SGSM1: variants seen among roughly 807,000 people sequenced by gnomAD.
The protein encoded by SGSM1 is RUN and TBC1 domain containing 2.
SGSM1 carries 73 observed loss-of-function variants against 133.8 expected under a neutral mutation model. The observed-to-expected ratio is 0.55, with a 90% CI of 0.45 to 0.66. The LOEUF (loss-of-function observed/expected upper bound fraction) is 0.66. Among genes scored for constraint, SGSM1 ranks in the 30% least tolerant of loss-of-function variants. The probability of loss-of-function intolerance (pLI) is 0.00; values close to 1 mark genes in which losing one functional copy is unlikely to be tolerated. For synonymous variants in SGSM1, 563 were observed against 573.0 expected, an observed-to-expected ratio of 0.98 and a Z score of 0.25; for missense variants, 1,213 against 1,448.1, an observed-to-expected ratio of 0.84 and a Z score of 2.64.
intron 16 of SGSM1, among the ~76,000 whole-genome samples, chr22:24,888,943 T>TTTA (rs1478820211): frequency 1.0e-5 from 1 of 97,916 alleles, no homozygotes; most frequent in Non-Finnish European, 2.0e-5. Flanking sequence ...GTCACCTTTT[T>TTTA]TTTTTTTTTT....
intron 8 of SGSM1, among the ~76,000 whole-genome samples, chr22:24,857,992 T>A (rs941115048): frequency 2.2e-4 from 34 of 152,290 alleles, no homozygotes; most frequent in African/African-American, 7.2e-4. Context: ...GTTTTTTGTT[T>A]TTTTGGAGAC....
chr22:24,833,960 CT>C (rs773297059), intron 2 of SGSM1, among the ~76,000 whole-genome samples: 1 of 152,240 alleles, frequency 6.6e-6, no homozygotes, highest in Non-Finnish European at 1.5e-5. Context: ...ACCATGTGCT[CT>C]GGAGAAAGCT....
At chr22:24,900,524 C>G (rs1283504338) in intron 19 of SGSM1, among the ~76,000 whole-genome samples, 1 of 151,936 alleles carries the variant, frequency 6.6e-6, no homozygotes, top group Non-Finnish European at 1.5e-5. Flanking sequence ...CTCAGCCTCC[C>G]GAGTAGCTGG....
intron 2 of SGSM1, 83 bp from the exon 3 acceptor site, chr22:24,844,814 A>C: frequency 7.9e-7 from 1 of 1,273,070 alleles, no homozygotes; most frequent in Non-Finnish European, 1.1e-6. Context: ...TGTGGGGAGC[A>C]ATGCAGCCCT....
At chr22:24,848,594 C>T (rs1288910571) in intron 4 of SGSM1, among the ~76,000 whole-genome samples, 1 of 152,208 alleles carries the variant, frequency 6.6e-6, no homozygotes, top group Non-Finnish European at 1.5e-5. Context: ...CAGCCAAACC[C>T]CCAGTCTACA....
intron 21 of SGSM1, among the ~76,000 whole-genome samples, chr22:24,912,298 A>T (rs1023691522): frequency 2.0e-5 from 3 of 152,238 alleles, no homozygotes; most frequent in Non-Finnish European, 2.9e-5. Context: ...TAATGTCCAG[A>T]TATTAATAGA....
intron 21 of SGSM1, among the ~76,000 whole-genome samples, chr22:24,911,289 C>CTT (rs139761): frequency 0.022 from 2,884 of 128,502 alleles, 81 homozygotes; most frequent in African/African-American, 0.06. Context: ...TAATTCCCCA[C>CTT]TTTTTTTTTT....
At chr22:24,831,303 G>A (rs1418949786) in intron 2 of SGSM1, among the ~76,000 whole-genome samples, 3 of 152,024 alleles carry the variant, frequency 2.0e-5, no homozygotes. Flanking sequence ...GGAAGCCTCG[G>A]CCAGCCCTGC....
At chr22:24,919,789 A>AC in intron 23 of SGSM1, 37 bp from the exon 24 acceptor site, 1 of 1,611,916 alleles carries the variant, frequency 6.2e-7, no homozygotes, top group Non-Finnish European at 8.5e-7. Flanking sequence ...GAGCCCCGTC[A>AC]CCAATTCTCT....
rs1934166225 is a variant in SGSM1 at position 24,925,386 on chromosome 22, C to T, written c.*1112C>T. ...AAAAAAAGAAAAGGCACACAAGAGT[C>T]CCTCACACATCTCTCTTGGAGTCTG... On this transcript the variant is annotated 3_prime_UTR_variant, in exon 25 of 25. Coordinates refer to ENST00000400358, the MANE Select transcript of SGSM1 (RefSeq NM_001098497.3). 1 of 152,032 alleles carries T rather than the reference C, an allele frequency of 6.6e-6. No homozygotes were observed. The highest frequency in any genetic ancestry group is 1.9e-4 in the East Asian group (1 of 5,180). The allele number at this position is 152,032 out of a possible 1,614,324, so 9.4% of individuals were successfully genotyped here. A position where few individuals can be genotyped will look rare whatever the true frequency, so the allele number is the denominator to read the frequency against.
chr22:24,868,084 C>T (rs887481340), intron 10 of SGSM1, among the ~76,000 whole-genome samples: 14 of 152,118 alleles, frequency 9.2e-5, no homozygotes, highest in East Asian at 5.8e-4. Flanking sequence ...TCCTGAGGAG[C>T]GTAGGGTTCT....
intron 2 of SGSM1, among the ~76,000 whole-genome samples, chr22:24,832,397 G>A (rs1929170397): frequency 1.3e-5 from 2 of 152,224 alleles, no homozygotes; most frequent in Non-Finnish European, 2.9e-5. Flanking sequence ...TTCTAGAGGT[G>A]CAGTTAAGAG....
chr22:24,868,672 TGTG>T (rs928365998), intron 11 of SGSM1, 48 bp from the exon 12 acceptor site: 37 of 1,609,576 alleles, frequency 2.3e-5, no homozygotes, highest in Middle Eastern at 1.7e-4. Flanking sequence ...CTAAGCAAGT[TGTG>T]GGGACAGATG....
chr22:24,877,932 T>C (rs1932113019), intron 13 of SGSM1, among the ~76,000 whole-genome samples: 1 of 145,232 alleles, frequency 6.9e-6, no homozygotes, highest in African/African-American at 2.5e-5. Flanking sequence ...TGCCTCAGCC[T>C]CCCGAGTAGC....
At chr22:24,812,776 G>A (rs1241960121) in intron 2 of SGSM1, among the ~76,000 whole-genome samples, 1 of 152,072 alleles carries the variant, frequency 6.6e-6, no homozygotes, top group Admixed American at 6.6e-5. Flanking sequence ...CCCTCCCTCT[G>A]TTATTTTCTT....
Position 24,924,847 on chromosome 22 carries a change from C to T in SGSM1, c.*573C>T, listed in dbSNP as rs5996793. 31,875 of 152,966 alleles carry T rather than the reference C, an allele frequency of 0.21. 4,104 individuals are homozygous for T. The highest frequency in any genetic ancestry group is 0.57 in the East Asian group (2,921 of 5,160). The allele number at this position is 152,966 out of a possible 1,614,324, so 9.5% of individuals were successfully genotyped here. On this transcript the variant is annotated 3_prime_UTR_variant, in exon 25 of 25. Transcript: ENST00000400358. The stretch of plus-strand genomic sequence containing the variant: ...CATTGTAGGATGCTGAGCAGCATCC[C>T]GGGCCTCACCAGATGCCAGTAGTGC...
intron 24 of SGSM1, among the ~76,000 whole-genome samples, chr22:24,922,950 A>G (rs750730564): frequency 3.9e-5 from 6 of 152,184 alleles, no homozygotes; most frequent in Non-Finnish European, 8.8e-5. Flanking sequence ...CAACATGGCA[A>G]AACTTTGTCT....
At chr22:24,852,343 G>C (rs139674) in intron 5 of SGSM1, among the ~76,000 whole-genome samples, 1 of 152,024 alleles carries the variant, frequency 6.6e-6, no homozygotes, top group Non-Finnish European at 1.5e-5. Flanking sequence ...TCACCATCAG[G>C]ATACAGAATT....
At chr22:24,827,888 T>G (rs1408508750) in intron 2 of SGSM1, among the ~76,000 whole-genome samples, 1 of 152,056 alleles carries the variant, frequency 6.6e-6, no homozygotes, top group Non-Finnish European at 1.5e-5. Context: ...CTGTCCTTTA[T>G]GCTAATTTGC....
Sources: gnomAD v4.1 joint callset for allele counts (sites outside exome capture counted in the v4.1 genomes callset) on GRCh38, gnomAD v4.1.1 for gene constraint, MANE v1.5 for transcripts, NCBI Gene and HGNC (gene_info 2026-07-23, HGNC 2026-07-21) for gene names.